The following SMC1B variants were observed in gnomAD, a reference collection of about 807,000 sequenced individuals.
SMC1B encodes structural maintenance of chromosomes 1B, also known as structural maintenance of chromosomes protein 1B.
A neutral mutation model predicts 157.9 loss-of-function variants in SMC1B; 60 were observed. The observed-to-expected ratio is 0.38, with a 90% CI of 0.31 to 0.47. SMC1B has a LOEUF of 0.47. Ranked by LOEUF, SMC1B falls within the 20% of genes least tolerant of loss-of-function variation. The pLI is 0.99. For synonymous variants in SMC1B, 445 were observed against 483.0 expected (o/e 0.92, Z 1.03); for missense variants, 1,165 against 1,426.2 (o/e 0.82, Z 2.95).
At chr22:45,384,608 T>C (rs891390756) in intron 11 of SMC1B, among the ~76,000 whole-genome samples, 9 of 151,780 alleles carry the variant, frequency 5.9e-5, no homozygotes, top group African/African-American at 2.2e-4. Flanking sequence ...TAATCCCAGC[T>C]GCTCAGGAGG....
At chr22:45,408,322 T>C (rs9614660) in intron 2 of SMC1B, among the ~76,000 whole-genome samples, 6,203 of 152,170 alleles carry the variant, frequency 0.041, 216 homozygotes, top group Admixed American at 0.097. Context: ...AGACGGGGTT[T>C]CATCGTGTTA....
At chr22:45,346,934 G>A (rs146503202) in intron 23 of SMC1B, among the ~76,000 whole-genome samples, 1 of 152,306 alleles carries the variant, frequency 6.6e-6, no homozygotes, top group East Asian at 1.9e-4. Context: ...TAATACATAG[G>A]ATGGGTACTA....
At chr22:45,396,935 G>GA (rs1168297419) in intron 6 of SMC1B, among the ~76,000 whole-genome samples, 7 of 152,082 alleles carry the variant, frequency 4.6e-5, no homozygotes, top group African/African-American at 1.7e-4. Flanking sequence ...GTTCAGTGAT[G>GA]AATTAATCTC....
chr22:45,390,859 T>G lies in SMC1B; in HGVS notation c.1546-962A>C, dbSNP rs9614657. 3.3e-5 allele frequency among the ~76,000 whole-genome samples: 5 copies of G among 152,176 alleles called. No homozygotes were observed. In the East Asian group the frequency reaches 7.7e-4, roughly 23 times the overall value. On this transcript the variant is annotated intron_variant, in intron 9 of 24. Coordinates refer to ENST00000357450, the MANE Select transcript of SMC1B (RefSeq NM_148674.5). ...CATGTATCAGTGGTCTCTAGAATAT[T>G]TGAAGGTTTAATTTTGTATCTTTGG...
At chr22:45,368,785 T>C (rs1217800530) in intron 15 of SMC1B, among the ~76,000 whole-genome samples, 1 of 151,982 alleles carries the variant, frequency 6.6e-6, no homozygotes, top group African/African-American at 2.4e-5. Flanking sequence ...TCCCAAAGTG[T>C]TGGAATTACA....
rs565045961 is a variant in SMC1B, at chr22:45,386,986, T to A, written c.1792A>T (p.Ile598Leu). 1.2e-6 allele frequency: 2 copies of A among 1,614,116 alleles called. No homozygotes were observed. The highest frequency in any genetic ancestry group is 1.7e-6 in the Non-Finnish European group (2 of 1,179,960). ...TTCAGCTGAGGAAACTGAGTCTTTA[T>A]GACATCAATCACCATTTTACAGCCT... is the stretch of plus-strand genomic sequence containing the variant. ...LKGCKMVIDV[I>L]KTQFPQLKKV... The change falls in exon 11 of 25, where the codon ATA becomes TTA. Residue 598 changes from isoleucine (I) to leucine (L), a missense_variant. Coordinates refer to ENST00000357450, the MANE Select transcript of SMC1B (RefSeq NM_148674.5).
In SMC1B at chr22:45,406,934, G is replaced by A. The variant is rs996201512; in HGVS notation, c.299-69C>T. On this transcript the variant is annotated intron_variant, in intron 2 of 24. Transcript: ENST00000357450. Reference sequence around the variant, plus strand: ...AGATATACCTCAAAATCCACCGAAAGTTTAATAAAATTATTTTTCTTATTG... The same window carrying A: ...AGATATACCTCAAAATCCACCGAAAATTTAATAAAATTATTTTTCTTATTG... 10 of 1,088,754 alleles carry A rather than the reference G, an allele frequency of 9.2e-6. No individual in the cohort carries two copies. The East Asian group carries it at 2.1e-4, about 23-fold the overall frequency. The allele number at this position is 1,088,754 out of a possible 1,614,324, so 67.4% of individuals were successfully genotyped here.
chr22:45,355,182 G>GT (rs1186155630), intron 19 of SMC1B, 67 bp from the exon 20 acceptor site: 11 of 1,529,414 alleles, frequency 7.2e-6, no homozygotes, highest in Non-Finnish European at 9.9e-6. Context: ...GGTAGGGTGC[G>GT]TGTGTGGGGC....
chr22:45,389,934 T>C (rs779286798), intron 9 of SMC1B, 37 bp from the exon 10 acceptor site: 11 of 1,520,436 alleles, frequency 7.2e-6, no homozygotes, highest in South Asian at 7.0e-5. Flanking sequence ...AAAACAGATA[T>C]ATTAGAGTGA....
At chr22:45,381,162 CTA>C (rs2086933093) in intron 12 of SMC1B, among the ~76,000 whole-genome samples, 1 of 151,990 alleles carries the variant, frequency 6.6e-6, no homozygotes, top group Admixed American at 6.6e-5. Context: ...AAGGATGACA[CTA>C]TACTAAATTT....
intron 22 of SMC1B, among the ~76,000 whole-genome samples, chr22:45,351,190 ATAAT>A (rs1484805199): frequency 6.6e-6 from 1 of 152,168 alleles, no homozygotes; most frequent in African/African-American, 2.4e-5. Context: ...TCTATATTGG[ATAAT>A]TAGTTTACTA....
At chr22:45,385,049 G>A (rs938402440) in intron 11 of SMC1B, among the ~76,000 whole-genome samples, 9 of 152,040 alleles carry the variant, frequency 5.9e-5, no homozygotes, top group African/African-American at 2.2e-4. Context: ...ATGTTTTAGA[G>A]TAACAACCAA....
Position 45,402,355 on chromosome 22 carries a change from G to A in SMC1B, c.832C>T (p.Gln278Ter), listed in dbSNP as rs1196668802. 2 of 1,610,980 alleles carry A rather than the reference G, an allele frequency of 1.2e-6. No individual in the cohort carries two copies. The highest frequency in any genetic ancestry group is 1.7e-6 in the Non-Finnish European group (2 of 1,178,616). The stretch of plus-strand genomic sequence containing the variant: ...CACTTTAATTCTTTTTCTGTTTGTT[G>A]TAGTTGTCTAGTTAGCATTCCATGT... ...KEHGMLTRQL[Q>*]QTEKELKSVE... Residue 278 changes from glutamine (Q) to a stop codon, truncating the protein, a stop_gained, in exon 5 of 25, where the codon CAA (glutamine) becomes TAA (stop). Coordinates refer to ENST00000357450, the MANE Select transcript of SMC1B (RefSeq NM_148674.5). LOFTEE classifies it high-confidence loss of function.
intron 4 of SMC1B, 149 bp from the exon 5 acceptor site, chr22:45,402,720 G>T: frequency 1.4e-6 from 1 of 689,794 alleles, no homozygotes; most frequent in South Asian, 1.8e-5. Context: ...AATTTGGCGA[G>T]GGTTTCTGAA....
At chr22:45,364,414 T>C (rs932386394) in intron 15 of SMC1B, among the ~76,000 whole-genome samples, 1 of 152,242 alleles carries the variant, frequency 6.6e-6, no homozygotes, top group Admixed American at 6.5e-5. Flanking sequence ...GGTTACTATA[T>C]ACCTGACAGT....
chr22:45,398,400 G>A lies in SMC1B; in HGVS notation c.1113+695C>T, dbSNP rs59823491. On this transcript the variant is annotated intron_variant, in intron 6 of 24. Coordinates refer to ENST00000357450, the MANE Select transcript of SMC1B (RefSeq NM_148674.5). Reference sequence around the variant, plus strand: ...TGAGTGAGCAGTCGTGGCAGCTGTGGGATTCGCGCCAGAGTGCAGGCCAGG... The same window carrying A: ...TGAGTGAGCAGTCGTGGCAGCTGTGAGATTCGCGCCAGAGTGCAGGCCAGG... 4.9e-4 allele frequency among the ~76,000 whole-genome samples: 74 copies of A among 152,312 alleles called. 3 individuals are homozygous for A. In the East Asian group the frequency reaches 0.012, roughly 25 times the overall value.
intron 19 of SMC1B, among the ~76,000 whole-genome samples, chr22:45,356,377 C>T (rs1385280253): frequency 6.6e-6 from 1 of 152,144 alleles, no homozygotes; most frequent in East Asian, 1.9e-4. Context: ...TAGGTAAAAC[C>T]TTTCTTCAAT....
chr22:45,413,587 C>T lies in SMC1B; in HGVS notation c.-20G>A. 5 of 1,582,648 alleles carry T rather than the reference C, an allele frequency of 3.2e-6. No homozygotes were observed. Among genetic ancestry groups the T allele is most frequent in the Non-Finnish European group, 4.3e-6 (5 of 1,162,888 alleles). On this transcript the variant is annotated 5_prime_UTR_variant, in exon 1 of 25. Transcript: ENST00000357450. ...GGCCATGGCGCCGCCCTCCACGCCT[C>T]ACCCGCGTTATCAAGCGCCCGCGGA...
chr22:45,374,985 C>A (rs1252535961), intron 12 of SMC1B, among the ~76,000 whole-genome samples: 1 of 151,904 alleles, frequency 6.6e-6, no homozygotes, highest in Non-Finnish European at 1.5e-5. Context: ...AATGCTTTCT[C>A]CAAAATATTT....
Sources: allele counts gnomAD v4.1 joint callset (sites outside exome capture counted in the v4.1 genomes callset), GRCh38; gene constraint gnomAD v4.1.1; transcripts MANE v1.5; gene names NCBI Gene and HGNC (gene_info 2026-07-23, HGNC 2026-07-21).